The following CHSY1 variants were observed in gnomAD, a reference collection of about 807,000 sequenced individuals.
CHSY1 encodes the protein N-acetylgalactosaminyl-proteoglycan 3-beta-glucuronosyltransferase 1.
A neutral mutation model predicts 59.8 loss-of-function variants in CHSY1; 13 were observed. The observed-to-expected ratio is 0.22, with a 90% confidence interval of 0.14 to 0.35. CHSY1 has a LOEUF of 0.35. Ranked by LOEUF, CHSY1 falls within the 10% of genes least tolerant of loss-of-function variation. CHSY1 has a pLI of 1.00. For synonymous variants in CHSY1, 459 were observed against 401.2 expected (o/e 1.14, Z -1.72); for missense variants, 947 against 1,030.6 (o/e 0.92, Z 1.11).
intron 2 of CHSY1, among the ~76,000 whole-genome samples, chr15:101,193,809 G>T (rs2038475223): frequency 6.6e-6 from 1 of 152,214 alleles, no homozygotes; most frequent in South Asian, 2.1e-4. Context: ...CTCCACACCA[G>T]GAGAGTGTGC....
At chr15:101,239,872 G>C (rs1427240240) in intron 1 of CHSY1, among the ~76,000 whole-genome samples, 1 of 152,168 alleles carries the variant, frequency 6.6e-6, no homozygotes, top group South Asian at 2.1e-4. Context: ...ATTATAGTTT[G>C]GCCCTGCTTC....
intron 2 of CHSY1, among the ~76,000 whole-genome samples, chr15:101,209,714 C>A (rs2038665052): frequency 6.6e-6 from 1 of 152,270 alleles, no homozygotes. Context: ...ATGTTTAATT[C>A]TCAGGGCAGG....
intron 2 of CHSY1, among the ~76,000 whole-genome samples, chr15:101,195,359 C>T (rs2038493294): frequency 6.6e-6 from 1 of 152,098 alleles, no homozygotes; most frequent in Admixed American, 6.5e-5. Context: ...TAAATAAAAC[C>T]AAGCTATCCT....
In CHSY1 at chr15:101,244,615, A is replaced by G. The variant is rs147988185; in HGVS notation, c.320+6522T>C. 2.4e-3 allele frequency among the ~76,000 whole-genome samples: 369 copies of G among 152,366 alleles called. 3 individuals are homozygous for G. Among genetic ancestry groups the G allele is most frequent in the African/African-American group, 8.1e-3 (336 of 41,582 alleles). The stretch of plus-strand genomic sequence containing the variant: ...AGAAGAATATAAAAGATCACTTGGC[A>G]TCACAGTGAGTACATCCTTTGATGT... On this transcript the variant is annotated intron_variant, in intron 1 of 2. Transcript: ENST00000254190.
intron 2 of CHSY1, among the ~76,000 whole-genome samples, chr15:101,193,775 A>G (rs780229711): frequency 1.3e-5 from 2 of 152,182 alleles, no homozygotes; most frequent in Non-Finnish European, 2.9e-5. Context: ...GCACCGAGGA[A>G]GACACGCTGG....
intron 1 of CHSY1, among the ~76,000 whole-genome samples, chr15:101,236,163 C>G (rs113256814): frequency 1.3e-5 from 2 of 152,288 alleles, no homozygotes; most frequent in South Asian, 2.1e-4. Flanking sequence ...GAACAGGGAG[C>G]CTTCCCCTGA....
At chr15:101,185,425 C>T in intron 2 of CHSY1, among the ~76,000 whole-genome samples, 1 of 151,714 alleles carries the variant, frequency 6.6e-6, no homozygotes, top group Non-Finnish European at 1.5e-5. Flanking sequence ...CTCCATGGAG[C>T]ACCCTCCATC....
intron 2 of CHSY1, among the ~76,000 whole-genome samples, chr15:101,226,435 G>A (rs546545050): frequency 5.3e-5 from 8 of 152,234 alleles, no homozygotes; most frequent in Admixed American, 2.6e-4. Flanking sequence ...CAGGTAACTC[G>A]CTGCCCAAGA....
intron 2 of CHSY1, among the ~76,000 whole-genome samples, chr15:101,193,426 G>A (rs890692990): frequency 6.6e-6 from 1 of 152,192 alleles, no homozygotes; most frequent in Non-Finnish European, 1.5e-5. Context: ...TGAAGAATAC[G>A]CTGTGCTCTT....
At chr15:101,197,577 G>A (rs2038521962) in intron 2 of CHSY1, among the ~76,000 whole-genome samples, 1 of 151,970 alleles carries the variant, frequency 6.6e-6, no homozygotes, top group South Asian at 2.1e-4. Flanking sequence ...AATATCTAAG[G>A]ACACCCCAAA....
chr15:101,220,464 C>G (rs1293164826), intron 2 of CHSY1, among the ~76,000 whole-genome samples: 2 of 152,210 alleles, frequency 1.3e-5, no homozygotes, highest in East Asian at 3.8e-4. Flanking sequence ...GTCTCTCTCC[C>G]CACATCCTAT....
At chr15:101,216,744 C>T (rs2038737270) in intron 2 of CHSY1, among the ~76,000 whole-genome samples, 1 of 145,662 alleles carries the variant, frequency 6.9e-6, no homozygotes, top group South Asian at 2.1e-4. Context: ...GGGAGAAGCA[C>T]TGAATAGGTG....
At chr15:101,221,477 TCTCTCTCC>T (rs550615084) in intron 2 of CHSY1, among the ~76,000 whole-genome samples, 1 of 152,130 alleles carries the variant, frequency 6.6e-6, no homozygotes, top group Non-Finnish European at 1.5e-5. Flanking sequence ...AGAGTGTCTC[TCTCTCTCC>T]CTCTCTCTAT....
At chr15:101,212,491 T>G (rs1188682329) in intron 2 of CHSY1, among the ~76,000 whole-genome samples, 4 of 152,202 alleles carry the variant, frequency 2.6e-5, no homozygotes, top group Non-Finnish European at 1.5e-5. Flanking sequence ...CTCAGAAACA[T>G]GCTCAAGTGA....
In CHSY1 at chr15:101,247,045, T is replaced by C. The variant is rs141698343; in HGVS notation, c.320+4092A>G. ...ACACACACTTGCAGATGAGTCAAAA[T>C]AAATTATTTTATGTGTTAACTTACA... is the stretch of plus-strand genomic sequence containing the variant. On this transcript the variant is annotated intron_variant, in intron 1 of 2. Coordinates refer to ENST00000254190, the MANE Select transcript of CHSY1 (RefSeq NM_014918.5). Among the ~76,000 whole-genome samples, 377 of 152,272 alleles carry C rather than the reference T, an allele frequency of 2.5e-3. 2 individuals carry two copies. The highest frequency in any genetic ancestry group is 8.8e-3 in the African/African-American group (364 of 41,548).
intron 1 of CHSY1, 131 bp from the exon 2 acceptor site, chr15:101,235,708 C>T: frequency 2.0e-6 from 2 of 985,410 alleles, no homozygotes; most frequent in Admixed American, 2.1e-5. Context: ...TGCTTGGTTC[C>T]TCTTAACGAA....
chr15:101,219,452 C>T (rs890088316), intron 2 of CHSY1, among the ~76,000 whole-genome samples: 2 of 152,154 alleles, frequency 1.3e-5, no homozygotes, highest in African/African-American at 4.8e-5. Flanking sequence ...TCCAGTTCCA[C>T]GTAGGGAGGG....
chr15:101,212,665 T>C (rs933049910), intron 2 of CHSY1, among the ~76,000 whole-genome samples: 12 of 152,242 alleles, frequency 7.9e-5, no homozygotes, highest in Admixed American at 4.6e-4. Flanking sequence ...ATATACATCT[T>C]ACAAGGAGTC....
At chr15:101,230,642 G>A (rs1445849890) in intron 2 of CHSY1, among the ~76,000 whole-genome samples, 1 of 152,062 alleles carries the variant, frequency 6.6e-6, no homozygotes, top group South Asian at 2.1e-4. Context: ...TCCTTTATGA[G>A]ACAGACTAAC....
Sources: allele counts gnomAD v4.1 joint callset (sites outside exome capture counted in the v4.1 genomes callset), GRCh38; gene constraint gnomAD v4.1.1; transcripts MANE v1.5; gene names NCBI Gene and HGNC (gene_info 2026-07-23, HGNC 2026-07-21).